Variants in BMP10 observed in about 807,000 individuals in gnomAD.
BMP10 encodes bone morphogenetic protein 10.
A neutral mutation model predicts 29.9 loss-of-function variants in BMP10; 9 were observed. The observed-to-expected ratio is 0.30, with a 90% CI of 0.18 to 0.53. The LOEUF is 0.53. BMP10 is among the 20% of genes least tolerant of loss of function. BMP10 has a pLI of 0.96. For missense variants in BMP10, 474 were observed against 524.3 expected, an observed-to-expected ratio of 0.90 and a Z score of 0.94; for synonymous variants, 202 against 200.2, an observed-to-expected ratio of 1.01 and a Z score of -0.07.
rs1356808336 is a variant in BMP10 at position 68,863,982 on chromosome 2, G to T, written c.*1649C>A. Among the ~76,000 whole-genome samples the T allele has an allele frequency of 6.6e-6, 1 of 152,144 alleles. No individual in the cohort carries two copies. The highest frequency in any genetic ancestry group is 1.5e-5 in the Non-Finnish European group (1 of 68,018). ...GAGATGCTGGAACAGTTTGGAAACT[G>T]CTCTGCTCTGCTCTGGTTCCTCCTG... On this transcript the variant is annotated 3_prime_UTR_variant, in exon 2 of 2. Coordinates refer to ENST00000295379, the MANE Select transcript of BMP10 (RefSeq NM_014482.3).
In BMP10 at chr2:68,860,961, G is replaced by T. The variant is rs1401831737; in HGVS notation, c.*4670C>A. ...TATAGCAATTAGTTTTATTCCATCG[G>T]GATATGTTATCAAGTAGAAACATGA... On this transcript the variant is annotated 3_prime_UTR_variant, in exon 2 of 2. Coordinates refer to ENST00000295379, the MANE Select transcript of BMP10 (RefSeq NM_014482.3). 6.6e-6 allele frequency among the ~76,000 whole-genome samples: 1 copy of T among 152,056 alleles called. No homozygotes were observed. The highest frequency in any genetic ancestry group is 2.4e-5 in the African/African-American group (1 of 41,382).
At chr2:68,866,692 G>GA in intron 1 of BMP10, 121 bp from the exon 2 acceptor site, 1 of 736,016 alleles carries the variant, frequency 1.4e-6, no homozygotes, top group Non-Finnish European at 2.2e-6. Flanking sequence ...AATGAAGGGA[G>GA]AAAATCAATG....
rs1682961014 is a variant in BMP10 at position 68,866,589 on chromosome 2, C to T, written c.335-18G>A. The T allele has an allele frequency of 6.3e-7, 1 of 1,589,278 alleles. No homozygotes were observed. Among genetic ancestry groups the T allele is most frequent in the South Asian group, 1.1e-5 (1 of 88,936 alleles). ...AAACAGATCTGAAAAAAGAAATTTG[C>T]AAAAATCAGGTTTGCAGTGGGTCTC... is the stretch of plus-strand genomic sequence containing the variant. On this transcript the variant is annotated intron_variant, in intron 1 of 1. Transcript: ENST00000295379.
rs1682888158 is a variant in BMP10 at position 68,862,966 on chromosome 2, T to C, written c.*2665A>G. Among the ~76,000 whole-genome samples, 1 of 152,226 alleles carries C rather than the reference T, an allele frequency of 6.6e-6. No individual in the cohort carries two copies. The highest frequency in any genetic ancestry group is 2.1e-4 in the South Asian group (1 of 4,830). ...TGATCGCCAACAGCCTATATTTTCA[T>C]ATCTCTTTAACAGAAGAGTGACTAT... On this transcript the variant is annotated 3_prime_UTR_variant, in exon 2 of 2. Coordinates refer to ENST00000295379, the MANE Select transcript of BMP10 (RefSeq NM_014482.3).
At chr2:68,870,677 A>G (rs997194385) in intron 1 of BMP10, among the ~76,000 whole-genome samples, 14 of 152,234 alleles carry the variant, frequency 9.2e-5, no homozygotes, top group Non-Finnish European at 1.8e-4. Flanking sequence ...CCATATGGCA[A>G]TCAAGGCCTA....
At position 68,865,927 on chromosome 2, in the gene BMP10, G is replaced by C; in HGVS notation, c.979C>G (p.Pro327Ala). 1 of 1,614,028 alleles carries C rather than the reference G, an allele frequency of 6.2e-7. No individual in the cohort carries two copies. Among genetic ancestry groups the C allele is most frequent in the African/African-American group, 1.3e-5 (1 of 75,014 alleles). The part of the protein sequence containing the change: ...NAKGNYCKRT[P>A]LYIDFKEIGW... ...ATCTCCTTGAAGTCGATGTAGAGCG[G>C]GGTCCTCTTACAGTAGTTTCCTTTG... is the stretch of plus-strand genomic sequence containing the variant. Residue 327 changes from proline (P) to alanine (A), a missense_variant, in exon 2 of 2, where the codon CCG becomes GCG. Around this residue, in one of 2 missense-constraint regions of BMP10, gnomAD observed 408 missense variants for 415.3 expected, o/e 0.98. Coordinates refer to ENST00000295379, the MANE Select transcript of BMP10 (RefSeq NM_014482.3). The surrounding 1 kb of genome is among the most constrained non-coding windows in gnomAD (Gnocchi z 4.7).
At chr2:68,870,452 C>T (rs151269892) in intron 1 of BMP10, among the ~76,000 whole-genome samples, 1 of 152,160 alleles carries the variant, frequency 6.6e-6, no homozygotes, top group Non-Finnish European at 1.5e-5. Context: ...GTAAACAGTG[C>T]TTTAAGGATG....
chr2:68,869,238 C>CTAGGAATTGAGGGCAT (rs1558686241), intron 1 of BMP10, among the ~76,000 whole-genome samples: 4 of 24,482 alleles, frequency 1.6e-4, no homozygotes, highest in East Asian at 3.4e-3. Flanking sequence ...TAAAGGAGCA[C>CTAGGAATTGAGGGCAT]GCTTTTTTCA....
chr2:68,861,064 T>G lies in BMP10; in HGVS notation c.*4567A>C, dbSNP rs979845031. ...GCAAATAATTATCACCAAAATAATT[T>G]TTTTATTTTACTTAAAAAGACTCTG... On this transcript the variant is annotated 3_prime_UTR_variant, in exon 2 of 2. Transcript: ENST00000295379. 6.6e-6 allele frequency among the ~76,000 whole-genome samples: 1 copy of G among 152,224 alleles called. No individual in the cohort carries two copies. The highest frequency in any genetic ancestry group is 2.4e-5 in the African/African-American group (1 of 41,464).
chr2:68,869,431 T>A (rs1039442839), intron 1 of BMP10, among the ~76,000 whole-genome samples: 4 of 152,190 alleles, frequency 2.6e-5, no homozygotes, highest in African/African-American at 9.7e-5. Context: ...CTGGCAGAGG[T>A]GCTGGCGGCT....
rs1037479385 is a variant in BMP10, at chr2:68,863,806, A to G, written c.*1825T>C. Among the ~76,000 whole-genome samples the G allele has an allele frequency of 5.9e-5, 9 of 152,150 alleles. No homozygotes were observed. Among genetic ancestry groups the G allele is most frequent in the Non-Finnish European group, 1.3e-4 (9 of 68,012 alleles). ...TTTATAACCTTAAGAGATTTGTAAAAGGGGACTGATTGTTTTCCAGGGTAA... is the reference window on the plus strand; with the variant it reads ...TTTATAACCTTAAGAGATTTGTAAAGGGGGACTGATTGTTTTCCAGGGTAA... On this transcript the variant is annotated 3_prime_UTR_variant, in exon 2 of 2. Transcript: ENST00000295379.
chr2:68,866,122 T>A lies in BMP10; in HGVS notation c.784A>T (p.Ser262Cys), dbSNP rs1682949467. 1.9e-6 allele frequency: 3 copies of A among 1,613,988 alleles called. No individual in the cohort carries two copies. The highest frequency in any genetic ancestry group is 2.5e-6 in the Non-Finnish European group (3 of 1,180,016). ...AGTTCCTCCTTCCTCTCCTTGTCACTGCTTTGGTCATCAGAAAACACGATG... is the reference window on the plus strand; with the variant it reads ...AGTTCCTCCTTCCTCTCCTTGTCACAGCTTTGGTCATCAGAAAACACGATG... Reference protein sequence around the residue: ...LLIVFSDDQSSDKERKEELNE... With the variant: ...LLIVFSDDQSCDKERKEELNE... The change falls in exon 2 of 2, where the codon AGT becomes TGT. Residue 262 changes from serine to cysteine, a missense_variant. By Grantham distance (112) the Ser-to-Cys change is moderately radical. Transcript: ENST00000295379.
chr2:68,871,328 G>C lies in BMP10; in HGVS notation c.31C>G (p.Leu11Val). ...ACCAAGTAAGCTGCCAGGCAGAAAAGAGCGCACAGTGTCAGGACCAGAGAG... is the reference window on the plus strand; with the variant it reads ...ACCAAGTAAGCTGCCAGGCAGAAAACAGCGCACAGTGTCAGGACCAGAGAG... MGSLVLTLCA[L>V]FCLAAYLVSG... Residue 11 changes from leucine to valine, a missense_variant, in exon 1 of 2, where the codon CTT becomes GTT. Physicochemically the swap from Leu to Val is conservative, Grantham distance 32. Transcript: ENST00000295379. The C allele has an allele frequency of 6.2e-7, 1 of 1,614,102 alleles. No homozygotes were observed. Among genetic ancestry groups the C allele is most frequent in the Non-Finnish European group, 8.5e-7 (1 of 1,179,974 alleles).
intron 1 of BMP10, 71 bp from the exon 2 acceptor site, chr2:68,866,642 A>G: frequency 8.3e-7 from 1 of 1,198,310 alleles, no homozygotes; most frequent in Non-Finnish European, 1.2e-6. Flanking sequence ...TATTTATGTA[A>G]TAAGAAGGCC....
Position 68,871,291 on chromosome 2 carries a change from G to C in BMP10, c.68C>G (p.Pro23Arg). 1 of 1,614,118 alleles carries C rather than the reference G, an allele frequency of 6.2e-7. No homozygotes were observed. Among genetic ancestry groups the C allele is most frequent in the Non-Finnish European group, 8.5e-7 (1 of 1,179,988 alleles). ...CLAAYLVSGS[P>R]IMNLEQSPLE... ...AGGAGACTGCTCTAGGTTCATGATG[G>C]GGCTGCCAGAAACCAAGTAAGCTGC... Residue 23 changes from proline (P) to arginine (R), a missense_variant, in exon 1 of 2, where the codon CCC becomes CGC. Pro to Arg is a moderately radical substitution (Grantham distance 103). This residue lies in a region of BMP10 where 408 missense variants were observed against 415.3 expected (regional missense o/e 0.98). Coordinates refer to ENST00000295379, the MANE Select transcript of BMP10 (RefSeq NM_014482.3).
chr2:68,868,240 G>T (rs1484738204), intron 1 of BMP10, among the ~76,000 whole-genome samples: 1 of 151,794 alleles, frequency 6.6e-6, no homozygotes, highest in Non-Finnish European at 1.5e-5. Flanking sequence ...TTTTTTCCCT[G>T]CAATTTTCAC....
In BMP10 at chr2:68,864,815, C is replaced by T. The variant is rs1467372714; in HGVS notation, c.*816G>A. ...TGAGGATAACATCAATATCCTCTTC[C>T]CTTTCTCCCTTTCTCCCCTTCAAGT... On this transcript the variant is annotated 3_prime_UTR_variant, in exon 2 of 2. Coordinates refer to ENST00000295379, the MANE Select transcript of BMP10 (RefSeq NM_014482.3). Among the ~76,000 whole-genome samples, 1 of 152,122 alleles carries T rather than the reference C, an allele frequency of 6.6e-6. No homozygotes were observed. Among genetic ancestry groups the T allele is most frequent in the Non-Finnish European group, 1.5e-5 (1 of 68,022 alleles).
At chr2:68,867,646 C>T (rs1483730345) in intron 1 of BMP10, among the ~76,000 whole-genome samples, 1 of 152,116 alleles carries the variant, frequency 6.6e-6, no homozygotes, top group African/African-American at 2.4e-5. Flanking sequence ...CAAGGAAGCC[C>T]TGAAGGCATT....
rs1682909112 is a variant in BMP10 at position 68,864,052 on chromosome 2, G to A, written c.*1579C>T. On this transcript the variant is annotated 3_prime_UTR_variant, in exon 2 of 2. Transcript: ENST00000295379. ...TTGCCAGGTAGAGGGAAATGGTTAG[G>A]GGTTAAGACTGGAGGCTGCCACCTG... Among the ~76,000 whole-genome samples the A allele has an allele frequency of 6.6e-6, 1 of 152,156 alleles. No homozygotes were observed. Among genetic ancestry groups the A allele is most frequent in the Non-Finnish European group, 1.5e-5 (1 of 68,026 alleles).
Sources: allele counts gnomAD v4.1 joint callset (sites outside exome capture counted in the v4.1 genomes callset), GRCh38; gene constraint gnomAD v4.1.1; regional missense constraint gnomAD v4.1.1; non-coding constraint Gnocchi (gnomAD v3.1); transcripts MANE v1.5; gene names NCBI Gene and HGNC (gene_info 2026-07-23, HGNC 2026-07-21).